ARHGAP26: variants seen among roughly 807,000 people sequenced by gnomAD.
ARHGAP26 encodes Rho GTPase activating protein 26, also known as rho GTPase-activating protein 26.
In ARHGAP26, 38 loss-of-function variants were observed where a neutral mutation model predicts 104.8. That is an observed-to-expected ratio of 0.36 (90% confidence interval 0.28 to 0.48). The LOEUF is 0.48. Among genes scored for constraint, ARHGAP26 ranks in the 20% least tolerant of loss-of-function variants. The pLI is 0.99. For synonymous variants in ARHGAP26, 341 were observed against 340.0 expected (o/e 1.00, Z -0.03); for missense variants, 704 against 947.9 (o/e 0.74, Z 3.38).
At chr5:143,034,607 T>C (rs1287858749) in intron 12 of ARHGAP26, among the ~76,000 whole-genome samples, 1 of 152,170 alleles carries the variant, frequency 6.6e-6, no homozygotes, top group African/African-American at 2.4e-5. Flanking sequence ...CTAATGTGTA[T>C]GGGTTTTTGG....
At chr5:143,077,142 T>A (rs1789154815) in intron 17 of ARHGAP26, among the ~76,000 whole-genome samples, 2 of 152,230 alleles carry the variant, frequency 1.3e-5, no homozygotes. Context: ...TGGCACTTAA[T>A]GTGTCCCAGG....
chr5:142,779,971 A>C (rs1251460882), intron 1 of ARHGAP26, among the ~76,000 whole-genome samples: 2 of 152,242 alleles, frequency 1.3e-5, no homozygotes, highest in African/African-American at 4.8e-5. Context: ...TCATAATTCA[A>C]AAGAGACAAA....
intron 11 of ARHGAP26, among the ~76,000 whole-genome samples, chr5:142,987,030 T>A (rs1684767607): frequency 6.6e-6 from 1 of 152,238 alleles, no homozygotes; most frequent in African/African-American, 2.4e-5. Flanking sequence ...TTTTTTCCAA[T>A]TCTGTGAAGA....
At chr5:143,068,184 A>G (rs74848340) in intron 17 of ARHGAP26, among the ~76,000 whole-genome samples, 3,371 of 152,290 alleles carry the variant, frequency 0.022, 93 homozygotes, top group African/African-American at 0.065. Flanking sequence ...AATAAAAAAT[A>G]AAAGGAATAA....
At chr5:142,861,728 T>G (rs2066904998) in intron 1 of ARHGAP26, among the ~76,000 whole-genome samples, 1 of 152,230 alleles carries the variant, frequency 6.6e-6, no homozygotes, top group South Asian at 2.1e-4. Flanking sequence ...TGCTAAGCAC[T>G]TCAGTGCATC....
chr5:143,111,569 A>G (rs1383404633), intron 17 of ARHGAP26, among the ~76,000 whole-genome samples: 1 of 152,210 alleles, frequency 6.6e-6, no homozygotes, highest in Admixed American at 6.5e-5. Flanking sequence ...AGTTGCTGTT[A>G]CTGTTGATGG....
intron 20 of ARHGAP26, chr5:143,170,062 C>T (rs538955756): frequency 7.9e-5 from 12 of 152,294 alleles, no homozygotes; most frequent in African/African-American, 2.9e-4. Flanking sequence ...AAACAAATTT[C>T]TGGGAAAAGG....
chr5:143,058,671 G>T (rs1786231362), intron 17 of ARHGAP26, among the ~76,000 whole-genome samples: 1 of 152,226 alleles, frequency 6.6e-6, no homozygotes, highest in African/African-American at 2.4e-5. Flanking sequence ...TGCCATTAGG[G>T]TATTTCTTGG....
At chr5:143,059,784 T>A (rs1786421833) in intron 17 of ARHGAP26, among the ~76,000 whole-genome samples, 1 of 152,240 alleles carries the variant, frequency 6.6e-6, no homozygotes, top group Non-Finnish European at 1.5e-5. Context: ...TTTTATGGCA[T>A]GTTTTGATCA....
intron 20 of ARHGAP26, chr5:143,168,689 GT>G (rs892622463): frequency 1.3e-5 from 2 of 152,106 alleles, no homozygotes; most frequent in Non-Finnish European, 2.9e-5. Flanking sequence ...AGCAAAGGCT[GT>G]TTGGTTGCCT....
intron 11 of ARHGAP26, among the ~76,000 whole-genome samples, chr5:142,959,652 C>A (rs898711067): frequency 1.3e-5 from 2 of 152,228 alleles, no homozygotes; most frequent in East Asian, 3.8e-4. Context: ...ACTCTGACTT[C>A]TTTTGCTACC....
intron 11 of ARHGAP26, among the ~76,000 whole-genome samples, chr5:143,013,868 C>G (rs1199433257): frequency 1.3e-5 from 2 of 152,156 alleles, no homozygotes; most frequent in Non-Finnish European, 2.9e-5. Context: ...AATAAAGTTG[C>G]ACAGATGATT....
Position 143,140,073 on chromosome 5 carries a change from G to A in ARHGAP26, c.1837+5968G>A, listed in dbSNP as rs533572042. ...AGTGTGCATTTGAATCTTGTAGGGA[G>A]CTTGTTAAAAATACAGATGCTTGGT... On this transcript the variant is annotated intron_variant, in intron 19 of 22. Transcript: ENST00000645722. 1.6e-4 allele frequency among the ~76,000 whole-genome samples: 25 copies of A among 152,336 alleles called. No homozygotes were observed. The South Asian group carries it at 5.0e-3, about 30-fold the overall frequency.
intron 17 of ARHGAP26, among the ~76,000 whole-genome samples, chr5:143,111,458 G>C (rs753259153): frequency 2.9e-4 from 44 of 152,094 alleles, no homozygotes; most frequent in Non-Finnish European, 5.3e-4. Flanking sequence ...TCTCCATTTG[G>C]GATATTAATG....
intron 13 of ARHGAP26, among the ~76,000 whole-genome samples, chr5:143,037,918 C>T (rs1000257452): frequency 6.6e-6 from 1 of 152,176 alleles, no homozygotes; most frequent in Non-Finnish European, 1.5e-5. Context: ...AGGGGTCAGG[C>T]CCATGTTCAC....
chr5:142,817,894 G>C (rs1333857878), intron 1 of ARHGAP26, among the ~76,000 whole-genome samples: 1 of 152,160 alleles, frequency 6.6e-6, no homozygotes, highest in East Asian at 1.9e-4. Flanking sequence ...CTTGGAGTTT[G>C]GGGAATCAGA....
chr5:143,038,548 G>A (rs752933290), intron 13 of ARHGAP26, among the ~76,000 whole-genome samples: 1 of 152,082 alleles, frequency 6.6e-6, no homozygotes, highest in Non-Finnish European at 1.5e-5. Context: ...TGTTTACACC[G>A]TGGTGATGTT....
rs142808538 is a variant in ARHGAP26, at chr5:143,009,304, A to G, written c.1108-4776A>G. Among the ~76,000 whole-genome samples, 280 of 152,270 alleles carry G rather than the reference A, an allele frequency of 1.8e-3. 1 individual carries two copies. Among genetic ancestry groups the G allele is most frequent in the African/African-American group, 6.3e-3 (261 of 41,528 alleles). On this transcript the variant is annotated intron_variant, in intron 11 of 22. Coordinates refer to ENST00000645722, the MANE Select transcript of ARHGAP26 (RefSeq NM_001135608.3). ...TCTCACCTTTATCATCGTCAGCATC[A>G]TCATCGTCGTCATTGTCATCATCGT...
At chr5:142,834,775 C>T (rs1369392524) in intron 1 of ARHGAP26, among the ~76,000 whole-genome samples, 2 of 152,234 alleles carry the variant, frequency 1.3e-5, no homozygotes, top group Non-Finnish European at 1.5e-5. Flanking sequence ...CAAAACAAGT[C>T]ACAAGGGATC....
Sources: gnomAD v4.1 joint callset for allele counts (sites outside exome capture counted in the v4.1 genomes callset) on GRCh38, gnomAD v4.1.1 for gene constraint, MANE v1.5 for transcripts, NCBI Gene and HGNC (gene_info 2026-07-23, HGNC 2026-07-21) for gene names.